Variants in DDAH1 observed in about 807,000 individuals in gnomAD.
The protein encoded by DDAH1 is N(G),N(G)-dimethylarginine dimethylaminohydrolase 1.
In DDAH1, 19 loss-of-function variants were observed where a neutral mutation model predicts 28.8. The observed-to-expected ratio is 0.66, with a 90% CI of 0.46 to 0.97. DDAH1 has a LOEUF of 0.97. Ranked by LOEUF, DDAH1 falls within the 50% of genes least tolerant of loss-of-function variation. The probability of loss-of-function intolerance (pLI) is 0.00; values close to 1 mark genes in which losing one functional copy is unlikely to be tolerated. For synonymous variants in DDAH1, 153 were observed against 154.4 expected (o/e 0.99, Z 0.07); for missense variants, 326 against 375.9 (o/e 0.87, Z 1.10).
chr1:85,340,696 T>G (rs1648422080), intron 4 of DDAH1, among the ~76,000 whole-genome samples: 1 of 152,000 alleles, frequency 6.6e-6, no homozygotes, highest in Non-Finnish European at 1.5e-5. Context: ...CCCTGTTAAA[T>G]CATTATGGGA....
intron 1 of DDAH1, among the ~76,000 whole-genome samples, chr1:85,548,480 C>T (rs937030866): frequency 6.6e-6 from 1 of 152,174 alleles, no homozygotes; most frequent in Non-Finnish European, 1.5e-5. Flanking sequence ...TCCATGTACA[C>T]ATGTGTAAGG....
At chr1:85,404,518 C>A in intron 1 of DDAH1, 1 of 1,406,350 alleles carries the variant, frequency 7.1e-7, no homozygotes. Flanking sequence ...AGCCATGGAG[C>A]AAATAATAAC....
intron 1 of DDAH1, among the ~76,000 whole-genome samples, chr1:85,395,859 T>C (rs1245367471): frequency 6.6e-6 from 1 of 152,148 alleles, no homozygotes; most frequent in African/African-American, 2.4e-5. Flanking sequence ...TTTTTAAAAT[T>C]TTAAAACAAG....
At chr1:85,354,756 T>C (rs1649402164) in intron 2 of DDAH1, among the ~76,000 whole-genome samples, 5 of 151,816 alleles carry the variant, frequency 3.3e-5, no homozygotes, top group Admixed American at 3.3e-4. Flanking sequence ...ATAACAAAAA[T>C]ATCCACATAA....
At chr1:85,566,362 C>T (rs997073918) in intron 1 of DDAH1, among the ~76,000 whole-genome samples, 2 of 151,308 alleles carry the variant, frequency 1.3e-5, no homozygotes, top group African/African-American at 4.9e-5. Context: ...TGTGGTGGTG[C>T]ACACCTGTAG....
rs1034649662 is a variant in DDAH1, at chr1:85,507,823, A to T, written c.-122-11542T>A. On this transcript the variant is annotated intron_variant, in intron 1 of 6. Coordinates refer to the DDAH1 transcript ENST00000426972. ...CATAAAAATGACTTTTGGAGGAATA[A>T]AAAGAAAATAGTTGTTTTGTAGAAT... 4.6e-5 allele frequency among the ~76,000 whole-genome samples: 7 copies of T among 152,296 alleles called. No homozygotes were observed. The East Asian group carries it at 1.3e-3, about 29-fold the overall frequency.
At chr1:85,554,276 GTTTTT>G (rs368410411) in intron 1 of DDAH1, among the ~76,000 whole-genome samples, 6 of 110,726 alleles carry the variant, frequency 5.4e-5, no homozygotes, top group African/African-American at 7.2e-5. Flanking sequence ...AATTGTAAGA[GTTTTT>G]TTTTTTTTTT....
intron 1 of DDAH1, among the ~76,000 whole-genome samples, chr1:85,547,492 G>C (rs1405674049): frequency 6.6e-6 from 1 of 152,144 alleles, no homozygotes; most frequent in African/African-American, 2.4e-5. Flanking sequence ...TGCCTTCACA[G>C]GGCTTCACAA....
chr1:85,492,750 A>T (rs1656450318), intron 2 of DDAH1, among the ~76,000 whole-genome samples: 1 of 152,172 alleles, frequency 6.6e-6, no homozygotes. Flanking sequence ...AGTTTAACGG[A>T]AAGAAATGTA....
intron 1 of DDAH1, among the ~76,000 whole-genome samples, chr1:85,460,211 A>T (rs2100686884): frequency 6.6e-6 from 1 of 152,360 alleles, no homozygotes; most frequent in East Asian, 1.9e-4. Flanking sequence ...CAGGATGAAC[A>T]TATTTAGGCT....
At chr1:85,554,508 G>A (rs181688463) in intron 1 of DDAH1, among the ~76,000 whole-genome samples, 148 of 152,218 alleles carry the variant, frequency 9.7e-4, no homozygotes, top group African/African-American at 3.5e-3. Context: ...TTATAACTGT[G>A]TATATTTCCC....
chr1:85,548,281 G>C (rs1658684546), intron 1 of DDAH1, among the ~76,000 whole-genome samples: 1 of 152,128 alleles, frequency 6.6e-6, no homozygotes, highest in South Asian at 2.1e-4. Flanking sequence ...TAGCACCCAG[G>C]AGGTAGGTAT....
chr1:85,571,779 T>A (rs1181238635), intron 1 of DDAH1, among the ~76,000 whole-genome samples: 2 of 149,578 alleles, frequency 1.3e-5, no homozygotes, highest in African/African-American at 4.9e-5. Context: ...GAATGAACTG[T>A]TTATAAGCTT....
intron 1 of DDAH1, among the ~76,000 whole-genome samples, chr1:85,513,462 C>T (rs1348525011): frequency 2.6e-5 from 4 of 152,158 alleles, no homozygotes; most frequent in Non-Finnish European, 5.9e-5. Context: ...ATGACTAAAA[C>T]ACCAAAAGCA....
chr1:85,508,674 T>C lies in DDAH1; in HGVS notation c.-122-12393A>G, dbSNP rs371476035. Among the ~76,000 whole-genome samples, 186 of 152,376 alleles carry C rather than the reference T, an allele frequency of 1.2e-3. 2 individuals are homozygous for C. The highest frequency in any genetic ancestry group is 4.3e-3 in the African/African-American group (177 of 41,600). On this transcript the variant is annotated intron_variant, in intron 1 of 6. Coordinates refer to the DDAH1 transcript ENST00000426972. ...CGGCAGACAACGTGATTCTCTCCTGTGCCTGGCTCCGCAGGTCCCACACCC... is the reference window on the plus strand; with the variant it reads ...CGGCAGACAACGTGATTCTCTCCTGCGCCTGGCTCCGCAGGTCCCACACCC...
At chr1:85,414,067 ATTG>A (rs1307511290) in intron 1 of DDAH1, among the ~76,000 whole-genome samples, 1 of 152,240 alleles carries the variant, frequency 6.6e-6, no homozygotes, top group Non-Finnish European at 1.5e-5. Flanking sequence ...TTTCAAAATA[ATTG>A]TTATCCTTTT....
chr1:85,499,757 GA>G (rs369561960), intron 1 of DDAH1, among the ~76,000 whole-genome samples: 210 of 152,222 alleles, frequency 1.4e-3, no homozygotes, highest in South Asian at 3.3e-3. Context: ...TACAGAAGTG[GA>G]CCAGATCCCA....
intron 1 of DDAH1, among the ~76,000 whole-genome samples, chr1:85,370,263 G>T (rs958925015): frequency 6.6e-6 from 1 of 152,194 alleles, no homozygotes. Flanking sequence ...AGAGGCCTCA[G>T]AAGAAACCAA....
chr1:85,546,333 T>C (rs1658624995), intron 1 of DDAH1, among the ~76,000 whole-genome samples: 1 of 152,178 alleles, frequency 6.6e-6, no homozygotes, highest in Admixed American at 6.5e-5. Context: ...TCTCACCTTC[T>C]ACCATGGGAT....
Sources: allele counts gnomAD v4.1 joint callset (sites outside exome capture counted in the v4.1 genomes callset), GRCh38; gene constraint gnomAD v4.1.1; transcripts MANE v1.5; gene names NCBI Gene and HGNC (gene_info 2026-07-23, HGNC 2026-07-21).